Variants in ADAMTS14 observed in about 807,000 individuals in gnomAD.
The protein encoded by ADAMTS14 is ADAM metallopeptidase with thrombospondin type 1 motif 14, also known as A disintegrin and metalloproteinase with thrombospondin motifs 14.
In ADAMTS14, 100 loss-of-function variants were observed where a neutral mutation model predicts 128.6. The ratio of observed to expected loss-of-function variants is 0.78; its 90% CI spans 0.66 to 0.92. The LOEUF (loss-of-function observed/expected upper bound fraction) is 0.92. ADAMTS14 is among the 40% of genes least tolerant of loss of function. ADAMTS14 has a pLI of 0.00. For synonymous variants in ADAMTS14, 665 were observed against 653.8 expected, an observed-to-expected ratio of 1.02 and a Z score of -0.26; for missense variants, 1,562 against 1,658.6, an observed-to-expected ratio of 0.94 and a Z score of 1.01.
intron 21 of ADAMTS14, among the ~76,000 whole-genome samples, 193 bp downstream of exon 21, chr10:70,758,478 C>T (rs1361793625): frequency 6.6e-6 from 1 of 152,168 alleles, no homozygotes; most frequent in Non-Finnish European, 1.5e-5. Context: ...CCTGCAATTC[C>T]AAAATGTTTA....
At position 70,674,615 on chromosome 10, in the gene ADAMTS14, T is replaced by C; in HGVS notation, c.142T>C (p.Phe48Leu). 3 of 1,613,938 alleles carry C rather than the reference T, an allele frequency of 1.9e-6. No homozygotes were observed. Among genetic ancestry groups the C allele is most frequent in the Non-Finnish European group, 2.5e-6 (3 of 1,180,030 alleles). The change falls in exon 2 of 22, where the codon TTT (phenylalanine) becomes CTT (leucine). Residue 48 changes from phenylalanine (F) to leucine (L), a missense_variant. Physicochemically the swap from Phe to Leu is conservative, Grantham distance 22. Coordinates refer to ENST00000373207, the MANE Select transcript of ADAMTS14 (RefSeq NM_080722.4). Reference protein sequence around the residue: ...YGVTVPCSTDFRGRFLSHVVS... With the variant: ...YGVTVPCSTDLRGRFLSHVVS... ...TGTGACAGTGCCCTGCAGCACAGACTTTCGGGGACGCTTCCTCTCCCACGT... is the reference window on the plus strand; with the variant it reads ...TGTGACAGTGCCCTGCAGCACAGACCTTCGGGGACGCTTCCTCTCCCACGT...
intron 12 of ADAMTS14, among the ~76,000 whole-genome samples, chr10:70,742,148 T>G (rs1842020207): frequency 6.6e-6 from 1 of 152,180 alleles, no homozygotes; most frequent in African/African-American, 2.4e-5. Flanking sequence ...AGGGGGTGTC[T>G]TCTCTCTGCT....
intron 2 of ADAMTS14, among the ~76,000 whole-genome samples, chr10:70,679,997 C>G (rs1839756012): frequency 6.6e-6 from 1 of 152,080 alleles, no homozygotes; most frequent in African/African-American, 2.4e-5. Flanking sequence ...TTATGGGAGG[C>G]TGAAAATATT....
chr10:70,741,744 A>T (rs34452471), intron 12 of ADAMTS14, among the ~76,000 whole-genome samples: 32,656 of 151,950 alleles, frequency 0.21, 4,463 homozygotes, highest in Non-Finnish European at 0.31. Context: ...GGACTTCTAG[A>T]CTCCTGTAAA....
rs527681338 is a variant in ADAMTS14 at position 70,681,838 on chromosome 10, G to A, written c.522+6843G>A. ...AGGCCTCCTGCCCTCACACATGTGT[G>A]CCTAGAGACCCTGGGAGGGGCAGGG... On this transcript the variant is annotated intron_variant, in intron 2 of 21. Coordinates refer to ENST00000373207, the MANE Select transcript of ADAMTS14 (RefSeq NM_080722.4). Among the ~76,000 whole-genome samples the A allele has an allele frequency of 2.4e-3, 372 of 152,340 alleles. 1 individual carries two copies. Among genetic ancestry groups the A allele is most frequent in the African/African-American group, 7.6e-3 (318 of 41,584 alleles).
chr10:70,686,394 A>T (rs1839952467), intron 2 of ADAMTS14, among the ~76,000 whole-genome samples: 1 of 122,696 alleles, frequency 8.2e-6, no homozygotes, highest in Non-Finnish European at 1.7e-5. Flanking sequence ...AAACAAGTGA[A>T]CAAAGGTCTC....
chr10:70,735,376 C>G lies in ADAMTS14; in HGVS notation c.1485+75C>G, dbSNP rs1589316271. ...CCTTCTGTGGCCCATGCTGACCATT[C>G]ATGAGGTGCCTTCTGCCCAGCTGGC... On this transcript the variant is annotated intron_variant, in intron 9 of 21. Coordinates refer to ENST00000373207, the MANE Select transcript of ADAMTS14 (RefSeq NM_080722.4). 10 of 1,553,066 alleles carry G rather than the reference C, an allele frequency of 6.4e-6. No individual in the cohort carries two copies. In the East Asian group the frequency reaches 2.3e-4, roughly 36 times the overall value.
At chr10:70,697,445 C>T (rs543736802) in intron 2 of ADAMTS14, among the ~76,000 whole-genome samples, 3 of 152,348 alleles carry the variant, frequency 2.0e-5, no homozygotes, top group South Asian at 2.1e-4. Flanking sequence ...GTCTCCCAGT[C>T]CTTGGGGATC....
chr10:70,691,115 A>C (rs1338534421), intron 2 of ADAMTS14, among the ~76,000 whole-genome samples: 2 of 144,812 alleles, frequency 1.4e-5, no homozygotes, highest in African/African-American at 4.9e-5. Context: ...CTGAGCACCT[A>C]CAGGTCCTGC....
At chr10:70,754,049 T>G (rs1589343127) in intron 19 of ADAMTS14, 42 bp downstream of exon 19, 1 of 1,470,790 alleles carries the variant, frequency 6.8e-7, no homozygotes, top group African/African-American at 1.4e-5. Flanking sequence ...GGGGAGGAGG[T>G]GGGTCTGAGG....
chr10:70,672,734 A>C lies in ADAMTS14; in HGVS notation c.-69A>C. On this transcript the variant is annotated 5_prime_UTR_variant, in exon 1 of 22. Coordinates refer to ENST00000373207, the MANE Select transcript of ADAMTS14 (RefSeq NM_080722.4). ...GCTCCGACAGCCCGGGGCGCACCCT[A>C]GCCTCGCCGCCCTCAGCCTGGGACT... The C allele has an allele frequency of 1.4e-6, 2 of 1,433,716 alleles. No individual in the cohort carries two copies. The highest frequency in any genetic ancestry group is 3.0e-5 in the African/African-American group (2 of 67,416). The allele number at this position is 1,433,716 out of a possible 1,614,324, so 88.8% of individuals were successfully genotyped here.
At chr10:70,689,219 G>A (rs572763050) in intron 2 of ADAMTS14, among the ~76,000 whole-genome samples, 24 of 144,770 alleles carry the variant, frequency 1.7e-4, no homozygotes, top group East Asian at 1.2e-3. Context: ...TTGGGGAAGC[G>A]GATCTCTCAC....
chr10:70,760,405 TGCTCGATC>T lies in ADAMTS14; in HGVS notation c.3228_3235del (p.Asp1077LeufsTer90). ...AGGTCTGTCTTCTGCCAGATGGAAG[TGCTCGATC>T]GCTACTGCTCCATTCCCGGCTACCA... On this transcript the variant is annotated frameshift_variant, in exon 22 of 22. Coordinates refer to ENST00000373207, the MANE Select transcript of ADAMTS14 (RefSeq NM_080722.4). The T allele has an allele frequency of 6.2e-7, 1 of 1,606,450 alleles. No individual in the cohort carries two copies. The highest frequency in any genetic ancestry group is 1.1e-5 in the South Asian group (1 of 90,108).
Position 70,761,015 on chromosome 10 carries a change from C to CTTTGT in ADAMTS14, c.*162_*163insTTTGT. 2.8e-6 allele frequency: 3 copies of CTTTGT among 1,074,788 alleles called. No homozygotes were observed. The highest frequency in any genetic ancestry group is 1.6e-5 in the African/African-American group (1 of 63,158). 66.6% of individuals were successfully genotyped at this position (1,074,788 alleles called of 1,614,324 possible). ...CTGTGATGCTCTTTACCCCACAAAG[C>CTTTGT]GGGGTGGGAGGAAGACAAAGATCAG... On this transcript the variant is annotated 3_prime_UTR_variant, in exon 22 of 22. Coordinates refer to ENST00000373207, the MANE Select transcript of ADAMTS14 (RefSeq NM_080722.4).
chr10:70,744,229 TG>T, intron 14 of ADAMTS14, 40 bp downstream of exon 14: 1 of 1,476,244 alleles, frequency 6.8e-7, no homozygotes, highest in Admixed American at 2.3e-5. Flanking sequence ...GAGGGCTGAC[TG>T]GAGTTCTTGC....
At chr10:70,717,483 G>A (rs1841094934) in intron 4 of ADAMTS14, among the ~76,000 whole-genome samples, 3 of 152,144 alleles carry the variant, frequency 2.0e-5, no homozygotes, top group African/African-American at 2.4e-5. Context: ...TAGGTGTGGC[G>A]GGATGGCTGG....
intron 4 of ADAMTS14, among the ~76,000 whole-genome samples, chr10:70,715,140 C>T (rs561567129): frequency 2.6e-5 from 4 of 152,162 alleles, no homozygotes; most frequent in African/African-American, 4.8e-5. Context: ...TCTTTATGAC[C>T]GTGAAATTCC....
At chr10:70,697,037 G>C (rs751530486) in intron 2 of ADAMTS14, among the ~76,000 whole-genome samples, 44 of 152,182 alleles carry the variant, frequency 2.9e-4, no homozygotes, top group Admixed American at 8.5e-4. Context: ...GCTGACCAAG[G>C]GGTGTCGGTG....
rs777894760 is a variant in ADAMTS14 at position 70,751,651 on chromosome 10, C to T, written c.2596+5C>T. ...GCAGCAAGGCCTGTGGAGGAGGTAC[C>T]GGTTCCCTGACCCGCCAGTGCTTTG... On this transcript the variant is annotated splice_donor_5th_base_variant and intron_variant, in intron 17 of 21. Coordinates refer to ENST00000373207, the MANE Select transcript of ADAMTS14 (RefSeq NM_080722.4). 2.1e-5 allele frequency: 33 copies of T among 1,599,388 alleles called. No individual in the cohort carries two copies. Among genetic ancestry groups the T allele is most frequent in the East Asian group, 9.0e-5 (4 of 44,422 alleles).
Sources: gnomAD v4.1 joint callset for allele counts (sites outside exome capture counted in the v4.1 genomes callset) on GRCh38, gnomAD v4.1.1 for gene constraint, MANE v1.5 for transcripts, NCBI Gene and HGNC (gene_info 2026-07-23, HGNC 2026-07-21) for gene names.